The following C2orf76 variants were observed in gnomAD, a reference collection of about 807,000 sequenced individuals.
C2orf76 encodes the protein UPF0538 protein C2orf76.
C2orf76 carries 23 observed loss-of-function variants against 16.9 expected under a neutral mutation model. The ratio of observed to expected loss-of-function variants is 1.36; its 90% CI spans 0.98 to 1.93. The LOEUF (loss-of-function observed/expected upper bound fraction) is 1.93, where lower values mean the gene tolerates loss of function less well. Ranked by LOEUF, C2orf76 falls within the 30% of genes most tolerant of loss-of-function variation. The pLI, the probability that C2orf76 is intolerant of heterozygous loss-of-function variation, is 0.00. For missense variants in C2orf76, 152 were observed against 152.6 expected (o/e 1.00, Z 0.02); for synonymous variants, 48 against 52.3 (o/e 0.92, Z 0.35).
chr2:119,282,755 T>A, the C2orf76 span, among the ~76,000 whole-genome samples: 1 of 152,096 alleles, frequency 6.6e-6, no homozygotes, highest in Admixed American at 6.5e-5. Flanking sequence ...CAGTTCTGCA[T>A]AATCGGTTCA....
intron 2 of C2orf76, among the ~76,000 whole-genome samples, chr2:119,329,029 T>C (rs982905652): frequency 1.3e-5 from 2 of 152,208 alleles, no homozygotes; most frequent in South Asian, 2.1e-4. Context: ...AAACGCTCCA[T>C]GTGCATTTGA....
chr2:119,326,624 G>C (rs972458719), intron 2 of C2orf76, among the ~76,000 whole-genome samples: 1 of 151,562 alleles, frequency 6.6e-6, no homozygotes, highest in African/African-American at 2.4e-5. Context: ...CCAGAATTTT[G>C]ATTAGAACTG....
the C2orf76 span, among the ~76,000 whole-genome samples, chr2:119,293,440 G>A: frequency 1.3e-5 from 2 of 152,242 alleles, no homozygotes; most frequent in Admixed American, 6.5e-5. Context: ...GTGTGCACCA[G>A]GAAGAGGACC....
At chr2:119,342,337 G>A (rs13017855) in intron 1 of C2orf76, among the ~76,000 whole-genome samples, 36,528 of 152,046 alleles carry the variant, frequency 0.24, 4,719 homozygotes, top group Middle Eastern at 0.3. Flanking sequence ...TTGGCCAGGC[G>A]CGGTGGCTCA....
the C2orf76 span, among the ~76,000 whole-genome samples, chr2:119,283,025 C>T: frequency 3.9e-5 from 6 of 152,294 alleles, no homozygotes; most frequent in African/African-American, 1.2e-4. Context: ...GAAGCTGTGG[C>T]AGTCCAGCCA....
chr2:119,350,386 G>A (rs1021552897), intron 1 of C2orf76, among the ~76,000 whole-genome samples: 1 of 152,088 alleles, frequency 6.6e-6, no homozygotes, highest in African/African-American at 2.4e-5. Flanking sequence ...AGAGTGCCTA[G>A]GGCTTGGGAA....
chr2:119,343,436 A>G (rs1223814878), intron 1 of C2orf76, among the ~76,000 whole-genome samples: 2 of 151,300 alleles, frequency 1.3e-5, no homozygotes, highest in Non-Finnish European at 2.9e-5. Flanking sequence ...AACAACAAAA[A>G]AGCCCTCCCA....
chr2:119,321,599 C>T (rs1679345578), intron 2 of C2orf76, among the ~76,000 whole-genome samples: 1 of 152,052 alleles, frequency 6.6e-6, no homozygotes, highest in African/African-American at 2.4e-5. Context: ...AAAACCCACC[C>T]CCATGATTCA....
intron 3 of C2orf76, among the ~76,000 whole-genome samples, chr2:119,319,148 T>G (rs1452909268): frequency 1.3e-5 from 2 of 152,172 alleles, no homozygotes; most frequent in Non-Finnish European, 2.9e-5. Context: ...CTGACCTTAC[T>G]AAATATTAAT....
the C2orf76 span, among the ~76,000 whole-genome samples, chr2:119,282,406 G>C: frequency 4.6e-5 from 7 of 152,262 alleles, no homozygotes; most frequent in East Asian, 1.4e-3. Context: ...GGGGTGATTC[G>C]GCACTTCCCA....
At chr2:119,357,519 T>C (rs1325568883) in intron 1 of C2orf76, among the ~76,000 whole-genome samples, 1 of 149,496 alleles carries the variant, frequency 6.7e-6, no homozygotes, top group African/African-American at 2.5e-5. Flanking sequence ...CAACATCCAC[T>C]GACAATAAGG....
chr2:119,356,628 C>G (rs939654278), intron 1 of C2orf76, among the ~76,000 whole-genome samples: 1 of 150,682 alleles, frequency 6.6e-6, no homozygotes, highest in South Asian at 2.1e-4. Context: ...CCAAAGCAAG[C>G]AGAAGGAAAG....
intron 2 of C2orf76, among the ~76,000 whole-genome samples, chr2:119,339,605 C>T (rs542069749): frequency 2.4e-4 from 36 of 151,198 alleles, no homozygotes; most frequent in African/African-American, 7.3e-4. Context: ...CCAAAAATGA[C>T]GGTCACAATC....
chr2:119,333,237 G>A (rs1007790555), intron 2 of C2orf76, among the ~76,000 whole-genome samples: 13 of 152,066 alleles, frequency 8.5e-5, no homozygotes, highest in South Asian at 2.1e-4. Flanking sequence ...TTCAAGGGAC[G>A]GGTTCTCTAC....
chr2:119,353,458 A>G (rs1211921296), intron 1 of C2orf76, among the ~76,000 whole-genome samples: 1 of 152,148 alleles, frequency 6.6e-6, no homozygotes, highest in Non-Finnish European at 1.5e-5. Flanking sequence ...TAACTCTTGG[A>G]TGGAGAACGA....
At chr2:119,365,786 C>G (rs967137948) in intron 1 of C2orf76, among the ~76,000 whole-genome samples, 2 of 152,174 alleles carry the variant, frequency 1.3e-5, no homozygotes, top group African/African-American at 4.8e-5. Flanking sequence ...CCTTTCAGTT[C>G]CCATGGAGAT....
intron 1 of C2orf76, among the ~76,000 whole-genome samples, chr2:119,355,910 T>C (rs1205027087): frequency 6.6e-6 from 1 of 152,046 alleles, no homozygotes. Context: ...ATCCACAACA[T>C]AGATGCCAAG....
At chr2:119,286,165 G>A in the C2orf76 span, among the ~76,000 whole-genome samples, 1 of 148,088 alleles carries the variant, frequency 6.8e-6, no homozygotes, top group Non-Finnish European at 1.5e-5. Flanking sequence ...GGCAGAGGCT[G>A]CAGTGAGCCA....
At chr2:119,354,534 A>T (rs754391260) in intron 1 of C2orf76, among the ~76,000 whole-genome samples, 73 of 152,184 alleles carry the variant, frequency 4.8e-4, no homozygotes, top group Non-Finnish European at 5.6e-4. Context: ...AAATATAAAA[A>T]TTTTTTTTAA....
Sources: gnomAD v4.1 joint callset for allele counts (sites outside exome capture counted in the v4.1 genomes callset) on GRCh38, gnomAD v4.1.1 for gene constraint, MANE v1.5 for transcripts, NCBI Gene and HGNC (gene_info 2026-07-23, HGNC 2026-07-21) for gene names.